The following NTRK3 variants were observed in gnomAD, a reference collection of about 807,000 sequenced individuals.
NTRK3 encodes NT-3 growth factor receptor.
A neutral mutation model predicts 91.7 loss-of-function variants in NTRK3; 24 were observed. The observed-to-expected ratio is 0.26, with a 90% CI of 0.19 to 0.37. The LOEUF (loss-of-function observed/expected upper bound fraction) is 0.37, where lower values mean the gene tolerates loss of function less well. NTRK3 is among the 10% of genes least tolerant of loss of function. NTRK3 has a pLI of 1.00. For synonymous variants in NTRK3, 483 were observed against 404.0 expected (o/e 1.20, Z -2.34); for missense variants, 880 against 1,068.9 (o/e 0.82, Z 2.46).
At chr15:87,893,486 C>A (rs1365947104) in intron 17 of NTRK3, among the ~76,000 whole-genome samples, 1 of 152,224 alleles carries the variant, frequency 6.6e-6, no homozygotes. Flanking sequence ...CCTCCCAACT[C>A]ACCCAACCAC....
At chr15:88,016,564 C>T (rs936957080) in intron 14 of NTRK3, among the ~76,000 whole-genome samples, 2 of 152,250 alleles carry the variant, frequency 1.3e-5, no homozygotes, top group Admixed American at 6.5e-5. Flanking sequence ...TCCAGCTGGG[C>T]ACAGCAGGGC....
In NTRK3 at chr15:87,911,554, C is replaced by A. The variant is rs145399226; in HGVS notation, c.2133+17637G>T. The stretch of plus-strand genomic sequence containing the variant: ...AAGGGTAACTTCCTGCAGCACTGTG[C>A]TTCACCACCCTCAGGTGTCAACTAT... On this transcript the variant is annotated intron_variant, in intron 17 of 18. Transcript: ENST00000394480. Among the ~76,000 whole-genome samples the A allele has an allele frequency of 2.0e-5, 3 of 152,192 alleles. No individual in the cohort carries two copies. The South Asian group carries it at 6.2e-4, about 31-fold the overall frequency.
intron 17 of NTRK3, among the ~76,000 whole-genome samples, chr15:87,919,332 C>T (rs912358897): frequency 1.3e-5 from 2 of 152,156 alleles, no homozygotes; most frequent in Admixed American, 6.5e-5. Flanking sequence ...CTAATATCCT[C>T]AGGCCACTGC....
chr15:88,137,649 C>G (rs970574634), intron 6 of NTRK3, 88 bp from the exon 7 acceptor site: 1 of 1,373,824 alleles, frequency 7.3e-7, no homozygotes, highest in African/African-American at 1.4e-5. Context: ...GGGGACCCGA[C>G]CTGTTCAGGG....
At chr15:88,225,142 G>A (rs2050563804) in intron 3 of NTRK3, among the ~76,000 whole-genome samples, 1 of 152,174 alleles carries the variant, frequency 6.6e-6, no homozygotes, top group Admixed American at 6.5e-5. Context: ...GAGGGTGATG[G>A]CAGGAATAAT....
chr15:88,142,099 C>T (rs3784406), intron 6 of NTRK3, among the ~76,000 whole-genome samples: 78,018 of 152,082 alleles, frequency 0.51, 21,760 homozygotes, highest in African/African-American at 0.75. Flanking sequence ...TCTTTATATC[C>T]GGACAAGAGA....
At chr15:87,983,902 A>G (rs1284003797) in intron 14 of NTRK3, among the ~76,000 whole-genome samples, 2 of 151,978 alleles carry the variant, frequency 1.3e-5, no homozygotes, top group Non-Finnish European at 2.9e-5. Flanking sequence ...GCAGCACCAT[A>G]CCCTGTCATT....
chr15:88,214,348 T>C, intron 3 of NTRK3, among the ~76,000 whole-genome samples: 1 of 152,138 alleles, frequency 6.6e-6, no homozygotes, highest in South Asian at 2.1e-4. Flanking sequence ...CCTTGGCTCA[T>C]AGCTGCATCA....
chr15:88,159,482 G>T (rs1194286601), intron 5 of NTRK3, among the ~76,000 whole-genome samples: 1 of 152,194 alleles, frequency 6.6e-6, no homozygotes, highest in South Asian at 2.1e-4. Context: ...GCTTTTCTAA[G>T]AGGTTCCCTG....
chr15:88,173,385 C>G (rs1175781178), intron 5 of NTRK3, among the ~76,000 whole-genome samples: 1 of 152,130 alleles, frequency 6.6e-6, no homozygotes, highest in Non-Finnish European at 1.5e-5. Flanking sequence ...CGAAATGGGC[C>G]AAAGACATCC....
rs576041896 is a variant in NTRK3 at position 88,212,689 on chromosome 15, T to G, written c.249-28390A>C. 1.3e-4 allele frequency among the ~76,000 whole-genome samples: 19 copies of G among 149,324 alleles called. No individual in the cohort carries two copies. The South Asian group carries it at 3.8e-3, about 30-fold the overall frequency. On this transcript the variant is annotated intron_variant, in intron 3 of 18. Coordinates refer to ENST00000394480, the Ensembl canonical transcript of NTRK3. Reference sequence around the variant, plus strand: ...GGTAGATACTTCATGGAAGCTGTTTTGGCTGCTGCATCACACACACACACA... The same window carrying G: ...GGTAGATACTTCATGGAAGCTGTTTGGGCTGCTGCATCACACACACACACA...
At chr15:87,896,446 G>C (rs2066128801) in intron 17 of NTRK3, among the ~76,000 whole-genome samples, 1 of 150,438 alleles carries the variant, frequency 6.6e-6, no homozygotes, top group Non-Finnish European at 1.5e-5. Context: ...ACTCCAGCCT[G>C]GTGACAGGGT....
intron 13 of NTRK3, chr15:88,098,481 G>A: frequency 4.8e-6 from 1 of 209,440 alleles, no homozygotes; most frequent in Non-Finnish European, 9.7e-6. Context: ...AGACATTAAG[G>A]CGCTTGGACA....
At chr15:87,986,050 C>T (rs2141426189) in intron 14 of NTRK3, among the ~76,000 whole-genome samples, 1 of 152,222 alleles carries the variant, frequency 6.6e-6, no homozygotes, top group African/African-American at 2.4e-5. Context: ...AGCCATGGAG[C>T]AATACTAGTC....
chr15:88,168,304 T>C (rs1482661918), intron 5 of NTRK3, among the ~76,000 whole-genome samples: 3 of 151,472 alleles, frequency 2.0e-5, no homozygotes, highest in Admixed American at 6.6e-5. Context: ...CTTCCAGAGA[T>C]TTCTGAGGGC....
At chr15:88,090,433 G>A (rs147459053) in intron 13 of NTRK3, among the ~76,000 whole-genome samples, 14 of 148,596 alleles carry the variant, frequency 9.4e-5, no homozygotes, top group East Asian at 2.0e-4. Context: ...AAAGGACAGC[G>A]TGCCCTAGGC....
rs1168884433 is a variant in NTRK3, at chr15:88,213,940, G to A, written c.249-29641C>T. ...ACTAAAAATACAAAATTAGCCAGGCGTGGTGGCACATGTCTGTAGTCCCAG... is the reference window on the plus strand; with the variant it reads ...ACTAAAAATACAAAATTAGCCAGGCATGGTGGCACATGTCTGTAGTCCCAG... On this transcript the variant is annotated intron_variant, in intron 3 of 18. Coordinates refer to ENST00000394480, the Ensembl canonical transcript of NTRK3. Among the ~76,000 whole-genome samples, 6 of 152,198 alleles carry A rather than the reference G, an allele frequency of 3.9e-5. No individual in the cohort carries two copies. In the South Asian group the frequency reaches 6.2e-4, roughly 16 times the overall value.
At chr15:88,093,985 T>G (rs1019615514) in intron 13 of NTRK3, among the ~76,000 whole-genome samples, 11 of 152,104 alleles carry the variant, frequency 7.2e-5, no homozygotes, top group Admixed American at 5.2e-4. Flanking sequence ...AGGTCACCTG[T>G]GTGGTGGTGC....
At chr15:87,899,567 C>T (rs181702357) in intron 17 of NTRK3, among the ~76,000 whole-genome samples, 14 of 152,234 alleles carry the variant, frequency 9.2e-5, no homozygotes, top group Admixed American at 8.5e-4. Flanking sequence ...GAGGGAGACC[C>T]GAGCCTTTGG....
Sources: allele counts gnomAD v4.1 joint callset (sites outside exome capture counted in the v4.1 genomes callset), GRCh38; gene constraint gnomAD v4.1.1; transcripts MANE v1.5; gene names NCBI Gene and HGNC (gene_info 2026-07-23, HGNC 2026-07-21).